The following PCDHA1 variants were observed in gnomAD, a reference collection of about 807,000 sequenced individuals.
PCDHA1 encodes protocadherin alpha 1.
In PCDHA1, 42 loss-of-function variants were observed where a neutral mutation model predicts 61.3. That is an observed-to-expected ratio of 0.69 (90% confidence interval 0.54 to 0.89). The LOEUF (loss-of-function observed/expected upper bound fraction) is 0.89. Among genes scored for constraint, PCDHA1 ranks in the 40% least tolerant of loss-of-function variants. The probability of loss-of-function intolerance (pLI) is 0.00; values close to 1 mark genes in which losing one functional copy is unlikely to be tolerated. For missense variants in PCDHA1, 1,256 were observed against 1,235.3 expected (o/e 1.02, Z -0.25); for synonymous variants, 610 against 553.8 (o/e 1.10, Z -1.43).
In PCDHA1 at chr5:140,856,245, C is replaced by T. The variant is rs782062442; in HGVS notation, c.2394+67561C>T. 5.5e-5 allele frequency: 88 copies of T among 1,597,902 alleles called. 5 individuals are homozygous for T. The South Asian group carries it at 8.8e-4, about 16-fold the overall frequency. On this transcript the variant is annotated intron_variant, in intron 1 of 3. Coordinates refer to ENST00000504120, the MANE Select transcript of PCDHA1 (RefSeq NM_018900.4). ...CTGGTGCAGCGCCTGTTCCGGGTGGCGTCCAAAAGACACGGGGACCTTCTG... is the reference window on the plus strand; with the variant it reads ...CTGGTGCAGCGCCTGTTCCGGGTGGTGTCCAAAAGACACGGGGACCTTCTG...
chr5:140,823,475 C>T, intron 1 of PCDHA1: 1 of 1,613,450 alleles, frequency 6.2e-7, no homozygotes, highest in Non-Finnish European at 8.5e-7. Flanking sequence ...CTGCTGGTGC[C>T]TCGAGTGGGT....
intron 1 of PCDHA1, chr5:140,877,446 G>T: frequency 6.2e-7 from 1 of 1,613,856 alleles, no homozygotes; most frequent in Non-Finnish European, 8.5e-7. Flanking sequence ...GTGAGCCCGC[G>T]CTGACGTCCA....
intron 1 of PCDHA1, chr5:140,794,847 T>G: frequency 3.5e-6 from 4 of 1,133,868 alleles, no homozygotes; most frequent in Non-Finnish European, 5.0e-6. Flanking sequence ...CAGAGCCCCT[T>G]TGTTACTTCA....
Position 140,881,767 on chromosome 5 carries a change from C to T in PCDHA1, c.2394+93083C>T, listed in dbSNP as rs923432967. Among the ~76,000 whole-genome samples, 13 of 152,322 alleles carry T rather than the reference C, an allele frequency of 8.5e-5. No homozygotes were observed. In the East Asian group the frequency reaches 2.1e-3, roughly 25 times the overall value. On this transcript the variant is annotated intron_variant, in intron 1 of 3. Coordinates refer to ENST00000504120, the MANE Select transcript of PCDHA1 (RefSeq NM_018900.4). ...GACAGTACCACAAAAACCTACATGA[C>T]TATGCAGAACTACCGATCAATTGTC...
chr5:140,793,089 T>C (rs1761748217), intron 1 of PCDHA1, among the ~76,000 whole-genome samples: 1 of 152,216 alleles, frequency 6.6e-6, no homozygotes, highest in Admixed American at 6.5e-5. Flanking sequence ...TAGGAAGTAA[T>C]ATCCAGGATT....
At chr5:140,792,427 T>C (rs1387567628) in intron 1 of PCDHA1, among the ~76,000 whole-genome samples, 3 of 152,166 alleles carry the variant, frequency 2.0e-5, no homozygotes, top group African/African-American at 7.2e-5. Flanking sequence ...TGGGGTATCT[T>C]TGACCCAAAA....
intron 1 of PCDHA1, chr5:140,876,955 G>A: frequency 6.2e-7 from 1 of 1,613,390 alleles, no homozygotes; most frequent in Non-Finnish European, 8.5e-7. Context: ...CTACTCGCTG[G>A]TGGAGCGGCG....
At chr5:140,910,780 C>T (rs2075160544) in intron 1 of PCDHA1, among the ~76,000 whole-genome samples, 1 of 152,192 alleles carries the variant, frequency 6.6e-6, no homozygotes, top group South Asian at 2.1e-4. Flanking sequence ...CAAGCTGCAA[C>T]ATTAAATGCA....
At chr5:140,946,826 G>A (rs1161316537) in intron 1 of PCDHA1, among the ~76,000 whole-genome samples, 1 of 151,404 alleles carries the variant, frequency 6.6e-6, no homozygotes, top group African/African-American at 2.4e-5. Context: ...TACCAGAGAT[G>A]GGTAGGGCAG....
chr5:140,928,994 T>C, intron 1 of PCDHA1: 1 of 1,613,992 alleles, frequency 6.2e-7, no homozygotes. Context: ...TGCTTACTTT[T>C]CTTCGTGTGT....
intron 1 of PCDHA1, chr5:140,803,340 C>G (rs1485778021): frequency 1.2e-6 from 2 of 1,614,096 alleles, no homozygotes; most frequent in Non-Finnish European, 1.7e-6. Flanking sequence ...GGTGCTCACA[C>G]TGCTGCTATA....
At chr5:140,896,894 T>A (rs1317627647) in intron 1 of PCDHA1, among the ~76,000 whole-genome samples, 6 of 152,208 alleles carry the variant, frequency 3.9e-5, no homozygotes, top group Admixed American at 2.0e-4. Context: ...TGAGACATTT[T>A]GATACAAGCA....
chr5:140,955,603 C>T (rs898504105), intron 1 of PCDHA1, among the ~76,000 whole-genome samples: 1 of 152,146 alleles, frequency 6.6e-6, no homozygotes, highest in Non-Finnish European at 1.5e-5. Flanking sequence ...TTATAAATTA[C>T]CCAGTCTCAG....
At chr5:140,873,791 G>A (rs1330097708) in intron 1 of PCDHA1, among the ~76,000 whole-genome samples, 1 of 152,152 alleles carries the variant, frequency 6.6e-6, no homozygotes, top group Non-Finnish European at 1.5e-5. Flanking sequence ...TTTCCGAGAA[G>A]CTGGGACTAC....
chr5:140,978,806 C>G (rs1554239758), intron 1 of PCDHA1, 143 bp from the exon 2 acceptor site: 2 of 1,492,474 alleles, frequency 1.3e-6, no homozygotes, highest in Non-Finnish European at 1.8e-6. Context: ...TAGATATCAT[C>G]ATAGAGTTAC....
intron 1 of PCDHA1, among the ~76,000 whole-genome samples, chr5:140,902,930 A>G (rs1252677303): frequency 1.3e-5 from 2 of 152,190 alleles, no homozygotes; most frequent in Non-Finnish European, 2.9e-5. Context: ...CATGGTGTAT[A>G]TATACCACAT....
intron 1 of PCDHA1, chr5:140,871,263 G>C: frequency 6.2e-7 from 1 of 1,614,010 alleles, no homozygotes; most frequent in Non-Finnish European, 8.5e-7. Context: ...ATACGGCGCT[G>C]TGGTGGTCGG....
At chr5:140,871,302 G>A in intron 1 of PCDHA1, 1 of 1,613,972 alleles carries the variant, frequency 6.2e-7, no homozygotes, top group Non-Finnish European at 8.5e-7. Context: ...CGTGCGCGCC[G>A]GGGAAGCCCA....
intron 1 of PCDHA1, chr5:140,808,419 G>A (rs782218183): frequency 1.2e-6 from 2 of 1,614,168 alleles, no homozygotes; most frequent in Non-Finnish European, 1.7e-6. Flanking sequence ...GTGCTGGACA[G>A]TGCCCTGGAC....
Sources: allele counts gnomAD v4.1 joint callset (sites outside exome capture counted in the v4.1 genomes callset), GRCh38; gene constraint gnomAD v4.1.1; transcripts MANE v1.5; gene names NCBI Gene and HGNC (gene_info 2026-07-23, HGNC 2026-07-21).